TRPM6: variants seen among roughly 807,000 people sequenced by gnomAD.
TRPM6 encodes the protein channel kinase 2.
Under a neutral mutation model 247.6 loss-of-function variants are expected in TRPM6, and 111 were observed. The ratio of observed to expected loss-of-function variants is 0.45; its 90% confidence interval spans 0.38 to 0.52. The LOEUF (loss-of-function observed/expected upper bound fraction) is 0.52, where lower values mean the gene tolerates loss of function less well. Among genes scored for constraint, TRPM6 ranks in the 20% least tolerant of loss-of-function variants. The probability of loss-of-function intolerance (pLI) is 0.00; values close to 1 mark genes in which losing one functional copy is unlikely to be tolerated. For missense variants in TRPM6, 2,126 were observed against 2,421.5 expected (o/e 0.88, Z 2.56); for synonymous variants, 892 against 853.8 (o/e 1.04, Z -0.78).
intron 24 of TRPM6, 27 bp from the exon 25 acceptor site, chr9:74,771,862 A>C (rs770094865): frequency 7.5e-6 from 12 of 1,610,074 alleles, no homozygotes; most frequent in Non-Finnish European, 1.0e-5. Context: ...GAAACACAGA[A>C]AGAATCATTA....
intron 1 of TRPM6, among the ~76,000 whole-genome samples, chr9:74,878,204 C>T (rs1831250631): frequency 6.6e-6 from 1 of 152,182 alleles, no homozygotes; most frequent in East Asian, 1.9e-4. Context: ...CTCACCACTG[C>T]TACTGTCATC....
intron 6 of TRPM6, among the ~76,000 whole-genome samples, chr9:74,833,093 T>C (rs377556880): frequency 6.6e-6 from 1 of 152,090 alleles, no homozygotes; most frequent in East Asian, 1.9e-4. Context: ...TAATCATGTC[T>C]GTATTAATCG....
Position 74,739,776 on chromosome 9 carries a change from G to T in TRPM6, c.5434C>A (p.Arg1812=). 6.2e-7 allele frequency: 1 copy of T among 1,613,970 alleles called. No individual in the cohort carries two copies. Among genetic ancestry groups the T allele is most frequent in the Non-Finnish European group, 8.5e-7 (1 of 1,180,004 alleles). ...IVKSFLPEVV[R]TWHKIFQEST... ...TCCTGGAAGATTTTATGCCATGTCC[G>T]CACAACCTCAGGAAGAAAGGACTTG... The change falls in exon 34 of 39, where the codon CGG becomes AGG. Residue 1812 remains arginine (R), a synonymous_variant. Transcript: ENST00000360774.
At chr9:74,836,129 C>G (rs1211736893) in intron 5 of TRPM6, among the ~76,000 whole-genome samples, 2 of 152,034 alleles carry the variant, frequency 1.3e-5, no homozygotes, top group Non-Finnish European at 2.9e-5. Flanking sequence ...ACTCATCCCT[C>G]TCCCCCCTCA....
At chr9:74,790,005 A>AGT (rs1827847271) in intron 19 of TRPM6, among the ~76,000 whole-genome samples, 1 of 99,370 alleles carries the variant, frequency 1.0e-5, no homozygotes, top group Non-Finnish European at 2.1e-5. Flanking sequence ...TTGAGAGAAA[A>AGT]ATGTGTGTGT....
At chr9:74,763,252 A>C in intron 25 of TRPM6, 118 bp from the exon 26 acceptor site, 1 of 987,702 alleles carries the variant, frequency 1.0e-6, no homozygotes, top group Non-Finnish European at 1.6e-6. Context: ...TCCCTAGGTT[A>C]AGTCTGTCTT....
At chr9:74,861,689 T>C (rs1286732314) in intron 1 of TRPM6, among the ~76,000 whole-genome samples, 1 of 152,210 alleles carries the variant, frequency 6.6e-6, no homozygotes, top group East Asian at 1.9e-4. Flanking sequence ...TGGGACTTAT[T>C]AAGTCTGAAT....
chr9:74,740,145 C>G, intron 33 of TRPM6, 136 bp from the exon 34 acceptor site: 1 of 975,238 alleles, frequency 1.0e-6, no homozygotes, highest in Non-Finnish European at 1.6e-6. Flanking sequence ...GGGAACAGAA[C>G]AGAATAAGGA....
intron 8 of TRPM6, among the ~76,000 whole-genome samples, chr9:74,821,030 C>G (rs1169342676): frequency 2.0e-5 from 3 of 152,080 alleles, no homozygotes; most frequent in Admixed American, 6.6e-5. Flanking sequence ...CAAAGGCACT[C>G]CAGAGAGCTG....
chr9:74,740,288 A>C lies in TRPM6; in HGVS notation c.5201-279T>G, dbSNP rs572492674. Among the ~76,000 whole-genome samples the C allele has an allele frequency of 2.6e-4, 39 of 152,224 alleles. 1 individual carries two copies. Among genetic ancestry groups the C allele is most frequent in the Admixed American group, 9.8e-4 (15 of 15,284 alleles). On this transcript the variant is annotated intron_variant, in intron 33 of 38. Coordinates refer to ENST00000360774, the MANE Select transcript of TRPM6 (RefSeq NM_017662.5). Reference sequence around the variant, plus strand: ...TGTAGACTATAACTGGACAAAAACAAAGTGGTAAGGATATGCTTCTTTTGT... The same window carrying C: ...TGTAGACTATAACTGGACAAAAACACAGTGGTAAGGATATGCTTCTTTTGT...
At chr9:74,844,673 C>T (rs959363383) in intron 3 of TRPM6, among the ~76,000 whole-genome samples, 2 of 152,152 alleles carry the variant, frequency 1.3e-5, no homozygotes, top group Admixed American at 1.3e-4. Context: ...TTCATATCAG[C>T]AATAAAGTTG....
intron 6 of TRPM6, among the ~76,000 whole-genome samples, chr9:74,830,749 G>GTTTTTTTT (rs71368685): frequency 2.3e-5 from 2 of 87,262 alleles, no homozygotes; most frequent in Non-Finnish European, 4.0e-5. Context: ...GCTAATTTTT[G>GTTTTTTTT]TTTTTTTTTT....
chr9:74,879,623 A>G (rs1445240536), intron 1 of TRPM6, among the ~76,000 whole-genome samples: 1 of 152,118 alleles, frequency 6.6e-6, no homozygotes, highest in Non-Finnish European at 1.5e-5. Context: ...CCCTGGGAGA[A>G]GAAATTTTGA....
intron 7 of TRPM6, 135 bp downstream of exon 7, chr9:74,827,643 G>C: frequency 1.2e-6 from 1 of 866,046 alleles, no homozygotes; most frequent in Non-Finnish European, 2.0e-6. Flanking sequence ...CATGTGGGAA[G>C]GGGGGTGGCT....
chr9:74,762,127 A>G lies in TRPM6; in HGVS notation c.4544T>C (p.Val1515Ala), dbSNP rs761127878. 3.8e-5 allele frequency: 62 copies of G among 1,614,048 alleles called. No individual in the cohort carries two copies. Among genetic ancestry groups the G allele is most frequent in the Non-Finnish European group, 4.6e-5 (54 of 1,180,010 alleles). Residue 1515 changes from valine to alanine, a missense_variant, in exon 26 of 39, where the codon GTG (valine) becomes GCG (alanine). Val to Ala is a moderately conservative substitution (Grantham distance 64, BLOSUM62 0). Around this residue, in one of 3 missense-constraint regions of TRPM6, gnomAD observed 717 missense variants for 715.9 expected, o/e 1.00. Transcript: ENST00000360774. ...RSAQSSECSE[V>A]GPWLQPNTSF... ...TGTGTTTGGCTGAAGCCATGGTCCC[A>G]CCTCTGAGCATTCACTACTCTGGGC...
intron 27 of TRPM6, 74 bp from the exon 28 acceptor site, chr9:74,755,547 C>T (rs1826404533): frequency 6.3e-7 from 1 of 1,583,584 alleles, no homozygotes; most frequent in Non-Finnish European, 8.6e-7. Context: ...AACAGAAGCA[C>T]CATGGTGAAG....
At chr9:74,814,492 G>GAT (rs1251125859) in intron 11 of TRPM6, among the ~76,000 whole-genome samples, 1 of 151,934 alleles carries the variant, frequency 6.6e-6, no homozygotes, top group Non-Finnish European at 1.5e-5. Flanking sequence ...TGAGGGGATG[G>GAT]ATACCTCATT....
At chr9:74,796,619 C>T in intron 18 of TRPM6, 122 bp downstream of exon 18, 1 of 968,714 alleles carries the variant, frequency 1.0e-6, no homozygotes, top group African/African-American at 1.6e-5. Context: ...TCATCACAGG[C>T]CTGAAATATA....
intron 17 of TRPM6, among the ~76,000 whole-genome samples, chr9:74,799,596 T>C (rs1203766034): frequency 2.0e-5 from 3 of 150,426 alleles, no homozygotes; most frequent in South Asian, 2.1e-4. Context: ...ACAACAGAAG[T>C]TATTAATTCT....
Sources: gnomAD v4.1 joint callset for allele counts (sites outside exome capture counted in the v4.1 genomes callset) on GRCh38, gnomAD v4.1.1 for gene constraint, gnomAD v4.1.1 regional missense constraint, MANE v1.5 for transcripts, NCBI Gene and HGNC (gene_info 2026-07-23, HGNC 2026-07-21) for gene names.